The following PLXNC1 variants were observed in gnomAD, a reference collection of about 807,000 sequenced individuals.
PLXNC1 encodes the protein plexin C1.
Under a neutral mutation model 178.2 loss-of-function variants are expected in PLXNC1, and 75 were observed. The ratio of observed to expected loss-of-function variants is 0.42; its 90% CI spans 0.35 to 0.51. The LOEUF (loss-of-function observed/expected upper bound fraction) is 0.51, where lower values mean the gene tolerates loss of function less well. PLXNC1 is among the 20% of genes least tolerant of loss of function. The pLI, the probability that PLXNC1 is intolerant of heterozygous loss-of-function variation, is 0.02. For missense variants in PLXNC1, 1,503 were observed against 1,984.4 expected, an observed-to-expected ratio of 0.76 and a Z score of 4.61; for synonymous variants, 790 against 779.9, an observed-to-expected ratio of 1.01 and a Z score of -0.22.
chr12:94,208,675 A>G (rs1312429231), intron 4 of PLXNC1, among the ~76,000 whole-genome samples: 1 of 152,228 alleles, frequency 6.6e-6, no homozygotes, highest in African/African-American at 2.4e-5. Flanking sequence ...GTGTAGTACT[A>G]GAAATATTTC....
chr12:94,180,472 C>T (rs1962264313), intron 2 of PLXNC1, among the ~76,000 whole-genome samples: 1 of 152,184 alleles, frequency 6.6e-6, no homozygotes. Flanking sequence ...CCACCATACA[C>T]ACACAGGAAT....
intron 6 of PLXNC1, among the ~76,000 whole-genome samples, chr12:94,222,366 C>G (rs1004249797): frequency 6.6e-5 from 10 of 152,188 alleles, no homozygotes. Flanking sequence ...AAGCCTTTAT[C>G]CATGGCCTTC....
chr12:94,227,082 T>G, intron 8 of PLXNC1, 67 bp from the exon 9 acceptor site: 1 of 1,047,424 alleles, frequency 9.5e-7, no homozygotes, highest in African/African-American at 1.6e-5. Flanking sequence ...TACCTTCTCT[T>G]TTATGTTTGT....
Position 94,226,673 on chromosome 12 carries a change from C to T in PLXNC1, c.1859C>T (p.Thr620Ile), listed in dbSNP as rs748059715. 1.2e-6 allele frequency: 2 copies of T among 1,613,278 alleles called. No homozygotes were observed. Among genetic ancestry groups the T allele is most frequent in the Non-Finnish European group, 1.7e-6 (2 of 1,179,402 alleles). Residue 620 changes from threonine (T) to isoleucine (I), a missense_variant, in exon 8 of 31, where the codon ACA (threonine) becomes ATA (isoleucine). By Grantham distance (89) the Thr-to-Ile change is moderately conservative (BLOSUM62 -1). Coordinates refer to ENST00000258526, the MANE Select transcript of PLXNC1 (RefSeq NM_005761.3). ...GCAAGAAGGTGTATCCACCCCTTCA[C>T]AGCTTGCGACCCTTCTGATTATGAG... is the stretch of plus-strand genomic sequence containing the variant. ...KSARRCIHPF[T>I]ACDPSDYERN...
chr12:94,272,475 C>G (rs1025166340), intron 21 of PLXNC1: 2 of 152,266 alleles, frequency 1.3e-5, no homozygotes. Flanking sequence ...TAGTCATAAC[C>G]AGAACATGTC....
intron 6 of PLXNC1, among the ~76,000 whole-genome samples, chr12:94,223,247 C>T (rs1297236634): frequency 6.6e-6 from 1 of 152,134 alleles, no homozygotes; most frequent in Non-Finnish European, 1.5e-5. Context: ...AACCCCGTCT[C>T]AACTAAAATA....
intron 3 of PLXNC1, among the ~76,000 whole-genome samples, chr12:94,183,848 T>G (rs147635420): frequency 1.3e-5 from 2 of 152,198 alleles, no homozygotes; most frequent in African/African-American, 2.4e-5. Flanking sequence ...TGGTTAGCCC[T>G]GCATTCTTCA....
chr12:94,171,715 G>A (rs1961852753), intron 2 of PLXNC1, among the ~76,000 whole-genome samples: 1 of 152,190 alleles, frequency 6.6e-6, no homozygotes, highest in Non-Finnish European at 1.5e-5. Flanking sequence ...TGCTCCTGGG[G>A]TGAGTCAGCC....
chr12:94,301,138 A>T, intron 28 of PLXNC1, 81 bp downstream of exon 28: 1 of 1,306,102 alleles, frequency 7.7e-7, no homozygotes. Context: ...TTCAAATAAT[A>T]AACAATTGGT....
At position 94,149,068 on chromosome 12, in the gene PLXNC1, CG is replaced by C; in HGVS notation, c.101del (p.Gly34AlafsTer109). The C allele has an allele frequency of 6.4e-7, 1 of 1,557,640 alleles. No homozygotes were observed. The highest frequency in any genetic ancestry group is 8.6e-7 in the Non-Finnish European group (1 of 1,160,418). ...TCTGCTGGCACTGGCGGCTCCCGGC[CG>C]GGGCGCGGACGAGCCCGTGTGGCGG... is the stretch of plus-strand genomic sequence containing the variant. ...AYLLALAAPG[R>X]GADEPVWRSE... On this transcript the variant is annotated frameshift_variant, in exon 1 of 31. Transcript: ENST00000258526. LOFTEE classifies it high-confidence loss of function.
intron 4 of PLXNC1, among the ~76,000 whole-genome samples, chr12:94,202,627 A>G (rs907060593): frequency 1.3e-5 from 2 of 152,242 alleles, no homozygotes; most frequent in African/African-American, 4.8e-5. Flanking sequence ...CAAGTGTTGC[A>G]GGCCCAGGCA....
intron 2 of PLXNC1, among the ~76,000 whole-genome samples, chr12:94,175,428 A>G (rs139091147): frequency 4.9e-4 from 74 of 152,094 alleles, no homozygotes; most frequent in African/African-American, 1.7e-3. Flanking sequence ...CTCCCCCCTC[A>G]TTTTCCTCAC....
At chr12:94,272,645 C>T (rs113076421) in intron 21 of PLXNC1, among the ~76,000 whole-genome samples, 6,802 of 152,286 alleles carry the variant, frequency 0.045, 247 homozygotes, top group African/African-American at 0.093. Context: ...GTGGCTCACA[C>T]CTGTAATCCC....
At chr12:94,236,217 T>C (rs1295812085) in intron 9 of PLXNC1, among the ~76,000 whole-genome samples, 2 of 152,272 alleles carry the variant, frequency 1.3e-5, no homozygotes, top group Admixed American at 1.3e-4. Context: ...AAATCAATTC[T>C]GTGTCATGTT....
intron 4 of PLXNC1, among the ~76,000 whole-genome samples, chr12:94,193,301 G>A (rs1260194829): frequency 1.3e-5 from 2 of 152,154 alleles, no homozygotes; most frequent in Non-Finnish European, 1.5e-5. Context: ...GAGAAGAGCT[G>A]GCAGATCAGT....
chr12:94,186,105 A>G (rs949815052), intron 3 of PLXNC1: 10 of 304,504 alleles, frequency 3.3e-5, no homozygotes, highest in Admixed American at 2.1e-4. Flanking sequence ...TTAAATGAAA[A>G]AATACAACTT....
Position 94,305,442 on chromosome 12 carries a change from A to G in PLXNC1, c.*157A>G, listed in dbSNP as rs1968907285. On this transcript the variant is annotated 3_prime_UTR_variant, in exon 31 of 31. Coordinates refer to ENST00000258526, the MANE Select transcript of PLXNC1 (RefSeq NM_005761.3). ...AGACCAAGGCACATGCACAGCTTTT[A>G]GAAAGCATACCAACCCTTGTGCCTG... 8.5e-6 allele frequency: 5 copies of G among 590,832 alleles called. No homozygotes were observed. Among genetic ancestry groups the G allele is most frequent in the Non-Finnish European group, 1.5e-5 (5 of 329,964 alleles). 36.6% of individuals were successfully genotyped at this position (590,832 alleles called of 1,614,324 possible).
rs1964965313 is a variant in PLXNC1 at position 94,260,514 on chromosome 12, A to G, written c.3252-128A>G. 3.5e-6 allele frequency: 2 copies of G among 577,032 alleles called. No homozygotes were observed. Among genetic ancestry groups the G allele is most frequent in the East Asian group, 6.2e-5 (2 of 32,234 alleles). The allele number at this position is 577,032 out of a possible 1,614,324, so 35.7% of individuals were successfully genotyped here. On this transcript the variant is annotated intron_variant, in intron 19 of 30. Transcript: ENST00000258526. This position sits in a 1 kb window ranked among gnomAD's most constrained non-coding sequence, Gnocchi z 4.4. ...AGTGGTTAGAATCTAAACATTAAAA[A>G]AAAAAAAAAAAAAGCTCCCAACCCA...
chr12:94,264,994 A>G, intron 20 of PLXNC1, 85 bp from the exon 21 acceptor site: 1 of 1,343,916 alleles, frequency 7.4e-7, no homozygotes, highest in Admixed American at 2.0e-5. Context: ...CTCCTGCCTT[A>G]CTGCTGTAAA....
Sources: gnomAD v4.1 joint callset for allele counts (sites outside exome capture counted in the v4.1 genomes callset) on GRCh38, gnomAD v4.1.1 for gene constraint, Gnocchi (gnomAD v3.1) non-coding constraint, MANE v1.5 for transcripts, NCBI Gene and HGNC (gene_info 2026-07-23, HGNC 2026-07-21) for gene names.